TRPC5: variants seen among roughly 807,000 people sequenced by gnomAD.
TRPC5 encodes the protein transient receptor potential cation channel subfamily C member 5.
In TRPC5, 9 loss-of-function variants were observed where a neutral mutation model predicts 56.5. That is an observed-to-expected ratio of 0.16 (90% CI 0.10 to 0.28). The LOEUF is 0.28. Among genes scored for constraint, TRPC5 ranks in the 10% least tolerant of loss-of-function variants. TRPC5 has a pLI of 1.00. For synonymous variants in TRPC5, 282 were observed against 278.5 expected (o/e 1.01, Z -0.13); for missense variants, 469 against 748.9 (o/e 0.63, Z 4.36).
chrX:111,845,266 C>T (rs1922894016), intron 6 of TRPC5, among the ~76,000 whole-genome samples: 2 of 110,911 alleles, frequency 1.8e-5, no homozygotes, highest in South Asian at 7.8e-4. Flanking sequence ...TGACTGAATC[C>T]CTGAGTTGAG....
At chrX:111,991,438 G>A (rs967008156) in intron 1 of TRPC5, among the ~76,000 whole-genome samples, 20 of 111,770 alleles carry the variant, frequency 1.8e-4, no homozygotes, top group Non-Finnish European at 3.4e-4. Context: ...TCATAAACAG[G>A]GCTGAGATTT....
chrX:111,994,553 T>C (rs917706375), intron 1 of TRPC5, among the ~76,000 whole-genome samples: 1 of 111,857 alleles, frequency 8.9e-6, no homozygotes, highest in Non-Finnish European at 1.9e-5. Flanking sequence ...TATTCTTCCA[T>C]TTGTTTGTGT....
At chrX:111,921,269 A>G (rs1341011763) in intron 2 of TRPC5, among the ~76,000 whole-genome samples, 1 of 111,311 alleles carries the variant, frequency 9.0e-6, no homozygotes, top group Non-Finnish European at 1.9e-5. Context: ...GTGTAAGTGA[A>G]TGGGTATGGC....
intron 2 of TRPC5, among the ~76,000 whole-genome samples, chrX:111,913,817 G>A (rs1304701864): frequency 1.8e-5 from 2 of 110,299 alleles, no homozygotes; most frequent in Non-Finnish European, 1.9e-5. Context: ...AAAATTAGCC[G>A]GGCATGGTGG....
chrX:111,842,430 G>A (rs1053421447), intron 6 of TRPC5, among the ~76,000 whole-genome samples: 8 of 110,839 alleles, frequency 7.2e-5, no homozygotes, highest in Non-Finnish European at 1.1e-4. Context: ...GAGCCACAGC[G>A]CCCAGCCCAC....
At chrX:111,934,435 A>G (rs999573243) in intron 2 of TRPC5, among the ~76,000 whole-genome samples, 4 of 111,303 alleles carry the variant, frequency 3.6e-5, no homozygotes, top group Non-Finnish European at 5.7e-5. Context: ...TAAATGGGGT[A>G]TACACCACCT....
At chrX:111,897,368 G>A (rs1925117506) in intron 3 of TRPC5, among the ~76,000 whole-genome samples, 1 of 111,202 alleles carries the variant, frequency 9.0e-6, no homozygotes. Context: ...TGGGGATTGT[G>A]CTTGGTTACT....
chrX:111,974,480 A>G (rs1490740158), intron 1 of TRPC5, among the ~76,000 whole-genome samples: 2 of 112,375 alleles, frequency 1.8e-5, no homozygotes, highest in African/African-American at 6.5e-5. Flanking sequence ...TCTGGAAATT[A>G]ACCAAACACT....
chrX:111,966,286 T>A (rs1328946162), intron 1 of TRPC5, among the ~76,000 whole-genome samples: 1 of 111,552 alleles, frequency 9.0e-6, no homozygotes, highest in East Asian at 2.8e-4. Flanking sequence ...CAGGAAGAAG[T>A]TGAACCTCTG....
intron 1 of TRPC5, among the ~76,000 whole-genome samples, chrX:112,024,954 C>T (rs1458813481): frequency 8.9e-6 from 1 of 112,011 alleles, no homozygotes; most frequent in South Asian, 3.7e-4. Flanking sequence ...AAAAGTAAAG[C>T]AACTAAATCA....
chrX:111,876,175 C>CCTACCATTA (rs1340603615), intron 3 of TRPC5: 1 of 111,017 alleles, frequency 9.0e-6, no homozygotes. Context: ...GATGAAAATT[C>CCTACCATTA]CTACCATTAG....
At chrX:111,901,676 G>T (rs1925352344) in intron 3 of TRPC5, 2 of 380,458 alleles carry the variant, frequency 5.3e-6, no homozygotes, top group South Asian at 6.1e-5. Flanking sequence ...AAGTTATATT[G>T]TTCTACTGTT....
chrX:111,886,282 A>G (rs1312377732), intron 3 of TRPC5, among the ~76,000 whole-genome samples: 1 of 112,366 alleles, frequency 8.9e-6, no homozygotes, highest in Non-Finnish European at 1.9e-5. Context: ...CTCTGTCAAT[A>G]AAATAAAATA....
chrX:111,926,660 T>C (rs1001930109), intron 2 of TRPC5, among the ~76,000 whole-genome samples: 1 of 112,410 alleles, frequency 8.9e-6, no homozygotes, highest in African/African-American at 3.2e-5. Context: ...GCTGAGCTCT[T>C]GACATGTATT....
chrX:111,810,890 C>T (rs1921683647), intron 7 of TRPC5, among the ~76,000 whole-genome samples: 1 of 111,809 alleles, frequency 8.9e-6, no homozygotes, highest in African/African-American at 3.2e-5. Flanking sequence ...AACATTATTA[C>T]CTTATGGCAA....
At chrX:111,964,957 C>G (rs1041932032) in intron 1 of TRPC5, among the ~76,000 whole-genome samples, 33 of 111,852 alleles carry the variant, frequency 3.0e-4, no homozygotes, top group Non-Finnish European at 5.8e-4. Flanking sequence ...ATGACAGGAC[C>G]AAATTCACAC....
chrX:111,788,561 C>T (rs1042423946), intron 7 of TRPC5, among the ~76,000 whole-genome samples: 3 of 111,362 alleles, frequency 2.7e-5, no homozygotes, highest in Non-Finnish European at 3.8e-5. Flanking sequence ...AAGTTCTGGC[C>T]GGGGAAATCA....
At chrX:111,882,810 G>T (rs1309420377) in intron 3 of TRPC5, among the ~76,000 whole-genome samples, 1 of 112,206 alleles carries the variant, frequency 8.9e-6, no homozygotes, top group African/African-American at 3.2e-5. Context: ...AGCCGGCTGG[G>T]CGCTGTGGCT....
chrX:111,970,113 G>C (rs922810536), intron 1 of TRPC5, among the ~76,000 whole-genome samples: 2 of 111,178 alleles, frequency 1.8e-5, no homozygotes, highest in African/African-American at 6.5e-5. Context: ...TTTAAGCCCT[G>C]GTGACTGGAG....
Sources: gnomAD v4.1 joint callset for allele counts (sites outside exome capture counted in the v4.1 genomes callset) on GRCh38, gnomAD v4.1.1 for gene constraint, MANE v1.5 for transcripts, NCBI Gene and HGNC (gene_info 2026-07-23, HGNC 2026-07-21) for gene names.